WNT7A: variants seen among roughly 807,000 people sequenced by gnomAD.
The protein encoded by WNT7A is Wnt family member 7A.
In WNT7A, 16 loss-of-function variants were observed where a neutral mutation model predicts 28.2. That is an observed-to-expected ratio of 0.57 (90% CI 0.38 to 0.86). The LOEUF (loss-of-function observed/expected upper bound fraction) is 0.86. Among genes scored for constraint, WNT7A ranks in the 40% least tolerant of loss-of-function variants. WNT7A has a pLI of 0.00. For missense variants in WNT7A, 411 were observed against 489.7 expected (o/e 0.84, Z 1.52); for synonymous variants, 190 against 195.9 (o/e 0.97, Z 0.25).
intron 1 of WNT7A, among the ~76,000 whole-genome samples, chr3:13,877,427 G>A (rs1304142084): frequency 2.0e-5 from 3 of 152,122 alleles, no homozygotes; most frequent in Non-Finnish European, 2.9e-5. Flanking sequence ...AGCATGAGAA[G>A]ATTAAGTGGA....
At chr3:13,856,259 C>T (rs532141466) in intron 2 of WNT7A, among the ~76,000 whole-genome samples, 12 of 152,226 alleles carry the variant, frequency 7.9e-5, no homozygotes, top group East Asian at 3.9e-4. Flanking sequence ...GGGACTTGGG[C>T]GAGCTCCTTC....
At chr3:13,873,742 AG>A (rs1423965815) in intron 2 of WNT7A, among the ~76,000 whole-genome samples, 1 of 152,140 alleles carries the variant, frequency 6.6e-6, no homozygotes, top group African/African-American at 2.4e-5. Flanking sequence ...ACTTTCGACA[AG>A]GTCGAAAAGG....
chr3:13,819,465 A>C, intron 3 of WNT7A, 42 bp from the exon 4 acceptor site: 1 of 1,598,364 alleles, frequency 6.3e-7, no homozygotes, highest in Non-Finnish European at 8.5e-7. Flanking sequence ...AGGTCACTGC[A>C]CGCCAAGGCC....
At chr3:13,831,647 C>G (rs1310263243) in intron 3 of WNT7A, among the ~76,000 whole-genome samples, 1 of 152,158 alleles carries the variant, frequency 6.6e-6, no homozygotes, top group African/African-American at 2.4e-5. Flanking sequence ...GCACTGCCCT[C>G]CCCTGATGGG....
At chr3:13,851,263 C>G in intron 3 of WNT7A, among the ~76,000 whole-genome samples, 1 of 152,218 alleles carries the variant, frequency 6.6e-6, no homozygotes, top group Non-Finnish European at 1.5e-5. Flanking sequence ...TGGCCTAAGA[C>G]AAAGTCCCAC....
intron 3 of WNT7A, among the ~76,000 whole-genome samples, chr3:13,848,705 A>T (rs181918103): frequency 2.0e-4 from 30 of 152,372 alleles, no homozygotes; most frequent in African/African-American, 6.7e-4. Flanking sequence ...AAAGCTAAAC[A>T]TACAGCCATC....
At chr3:13,828,373 G>T (rs927192676) in intron 3 of WNT7A, among the ~76,000 whole-genome samples, 1 of 152,212 alleles carries the variant, frequency 6.6e-6, no homozygotes, top group African/African-American at 2.4e-5. Flanking sequence ...AATATCATTT[G>T]CACCCTGGAT....
At chr3:13,858,336 G>T (rs960168393) in intron 2 of WNT7A, among the ~76,000 whole-genome samples, 1 of 152,240 alleles carries the variant, frequency 6.6e-6, no homozygotes, top group African/African-American at 2.4e-5. Context: ...CCCTGGGGAA[G>T]GGGCAGGAGG....
chr3:13,848,857 G>T (rs1204615445), intron 3 of WNT7A, among the ~76,000 whole-genome samples: 1 of 152,154 alleles, frequency 6.6e-6, no homozygotes, highest in East Asian at 1.9e-4. Context: ...CATCCTTCAA[G>T]AGGTGAATGG....
rs1694015548 is a variant in WNT7A, at chr3:13,817,059, T to C, written c.*1885A>G. ...ACTGAGGAGTCAGACACAGCCTAGA[T>C]ACTGAAGGGCTCCCAGCAGGTGGGG... On this transcript the variant is annotated 3_prime_UTR_variant, in exon 4 of 4. Transcript: ENST00000285018. The C allele has an allele frequency of 6.6e-6, 1 of 152,226 alleles. No individual in the cohort carries two copies. Among genetic ancestry groups the C allele is most frequent in the Non-Finnish European group, 1.5e-5 (1 of 68,078 alleles). The allele number at this position is 152,226 out of a possible 1,614,324, so 9.4% of individuals were successfully genotyped here. A position where few individuals can be genotyped will look rare whatever the true frequency, so the allele number is the denominator to read the frequency against.
intron 2 of WNT7A, among the ~76,000 whole-genome samples, chr3:13,860,979 T>C (rs936775283): frequency 6.6e-6 from 1 of 152,210 alleles, no homozygotes; most frequent in Non-Finnish European, 1.5e-5. Context: ...ATCTACAATA[T>C]ATGGCAACAA....
intron 2 of WNT7A, among the ~76,000 whole-genome samples, chr3:13,870,858 C>A (rs1406006585): frequency 2.6e-5 from 4 of 152,244 alleles, no homozygotes; most frequent in African/African-American, 4.8e-5. Context: ...CCTGGCTCTC[C>A]AGTTCCTTAG....
rs151126092 is a variant in WNT7A, at chr3:13,833,346, C to T, written c.571-13923G>A. Among the ~76,000 whole-genome samples, 151 of 152,298 alleles carry T rather than the reference C, an allele frequency of 9.9e-4. 3 individuals carry two copies. In the East Asian group the frequency reaches 0.027, roughly 27 times the overall value. On this transcript the variant is annotated intron_variant, in intron 3 of 3. Coordinates refer to ENST00000285018, the MANE Select transcript of WNT7A (RefSeq NM_004625.4). Reference sequence around the variant, plus strand: ...AGATAGCCCTTCACACACAGTCCTGCCCACATACTTCCCGGCACACAAGCG... The same window carrying T: ...AGATAGCCCTTCACACACAGTCCTGTCCACATACTTCCCGGCACACAAGCG...
intron 2 of WNT7A, among the ~76,000 whole-genome samples, chr3:13,874,317 C>T (rs951256902): frequency 1.3e-5 from 2 of 152,214 alleles, no homozygotes; most frequent in Admixed American, 1.3e-4. Flanking sequence ...TTCCACCAGA[C>T]TTTTGTTATA....
At chr3:13,821,071 T>C (rs921112611) in intron 3 of WNT7A, among the ~76,000 whole-genome samples, 9 of 152,212 alleles carry the variant, frequency 5.9e-5, no homozygotes, top group Admixed American at 1.3e-4. Context: ...CAACACAGGT[T>C]GTCAGTGAGG....
intron 3 of WNT7A, among the ~76,000 whole-genome samples, chr3:13,825,143 G>A (rs1694173963): frequency 6.6e-6 from 1 of 152,240 alleles, no homozygotes. Context: ...AAGAGCAGCT[G>A]TCTCTGGGGA....
intron 3 of WNT7A, 38 bp downstream of exon 3, chr3:13,854,494 C>A: frequency 6.2e-7 from 1 of 1,613,472 alleles, no homozygotes. Context: ...TGCAGCATCT[C>A]CGCGAGCGCC....
At chr3:13,849,706 C>G (rs970342053) in intron 3 of WNT7A, among the ~76,000 whole-genome samples, 1 of 152,128 alleles carries the variant, frequency 6.6e-6, no homozygotes, top group African/African-American at 2.4e-5. Context: ...ATGAGACAGA[C>G]AGCAGGGGAG....
At chr3:13,856,542 G>C (rs935657512) in intron 2 of WNT7A, among the ~76,000 whole-genome samples, 2 of 152,330 alleles carry the variant, frequency 1.3e-5, no homozygotes, top group African/African-American at 2.4e-5. Context: ...AGGGGGCCAG[G>C]CATGGTGGCT....
Sources: allele counts gnomAD v4.1 joint callset (sites outside exome capture counted in the v4.1 genomes callset), GRCh38; gene constraint gnomAD v4.1.1; transcripts MANE v1.5; gene names NCBI Gene and HGNC (gene_info 2026-07-23, HGNC 2026-07-21).